Variants in EYA1 observed in about 807,000 individuals in gnomAD.
EYA1 encodes EYA transcriptional coactivator and phosphatase 1.
In EYA1, 16 loss-of-function variants were observed where a neutral mutation model predicts 82.0. The ratio of observed to expected loss-of-function variants is 0.20; its 90% CI spans 0.13 to 0.30. The LOEUF is 0.30. Among genes scored for constraint, EYA1 ranks in the 10% least tolerant of loss-of-function variants. The probability of loss-of-function intolerance (pLI) is 1.00; values close to 1 mark genes in which losing one functional copy is unlikely to be tolerated. For synonymous variants in EYA1, 261 were observed against 264.4 expected, an observed-to-expected ratio of 0.99 and a Z score of 0.12; for missense variants, 633 against 730.7, an observed-to-expected ratio of 0.87 and a Z score of 1.54.
chr8:71,376,827 G>T (rs1828400573), intron 2 of EYA1, among the ~76,000 whole-genome samples: 1 of 152,032 alleles, frequency 6.6e-6, no homozygotes, highest in Non-Finnish European at 1.5e-5. Flanking sequence ...AACATTAACT[G>T]CAAGTTAACT....
At chr8:71,433,075 A>G (rs1805742071) in intron 2 of EYA1, among the ~76,000 whole-genome samples, 1 of 152,220 alleles carries the variant, frequency 6.6e-6, no homozygotes, top group African/African-American at 2.4e-5. Flanking sequence ...TGCCTCAGCC[A>G]TGTGGTCAAA....
chr8:71,271,802 G>A lies in EYA1; in HGVS notation c.922C>T (p.Arg308Ter), dbSNP rs121909195. Residue 308 changes from arginine (R) to a stop codon, truncating the protein, a stop_gained, in exon 10 of 18, where the codon CGA becomes TGA. Transcript: ENST00000340726. LOFTEE classifies it high-confidence loss of function. ...GSDGKSRGRGRRNNNPSPPPD... is the reference protein window; with the variant it reads ...GSDGKSRGRG ...GGAGGTGAAGGATTATTGTTTCTTC[G>A]GCCCCGTCCACGTGATTTCCCATCT... 1 of 1,614,054 alleles carries A rather than the reference G, an allele frequency of 6.2e-7. No homozygotes were observed.
At chr8:71,540,903 A>G (rs1298455938) in intron 1 of EYA1, among the ~76,000 whole-genome samples, 1 of 152,218 alleles carries the variant, frequency 6.6e-6, no homozygotes, top group Non-Finnish European at 1.5e-5. Context: ...ATAAGTCCCC[A>G]GAAGACTACA....
At chr8:71,217,168 A>T in intron 12 of EYA1, 145 bp from the exon 13 acceptor site, 2 of 665,014 alleles carry the variant, frequency 3.0e-6, no homozygotes, top group Non-Finnish European at 2.7e-6. Context: ...GCAGTCTTGT[A>T]AAATTGACAT....
chr8:71,349,104 T>A (rs1269724687), intron 3 of EYA1, among the ~76,000 whole-genome samples: 1 of 152,162 alleles, frequency 6.6e-6, no homozygotes, highest in Non-Finnish European at 1.5e-5. Flanking sequence ...TATAATTAAG[T>A]CTAAGGATTT....
At chr8:71,380,505 G>A (rs1008896958) in intron 2 of EYA1, among the ~76,000 whole-genome samples, 1 of 152,084 alleles carries the variant, frequency 6.6e-6, no homozygotes. Context: ...CTGCCCCTGC[G>A]GCATGTCTAT....
intron 11 of EYA1, among the ~76,000 whole-genome samples, chr8:71,255,186 C>T (rs1445005890): frequency 6.6e-6 from 1 of 152,142 alleles, no homozygotes; most frequent in African/African-American, 2.4e-5. Context: ...AAGTGATGTA[C>T]AGATCTAATG....
chr8:71,531,622 C>T (rs550783756), intron 2 of EYA1, among the ~76,000 whole-genome samples: 3 of 152,016 alleles, frequency 2.0e-5, no homozygotes, highest in East Asian at 1.9e-4. Flanking sequence ...CTGAAAGAAG[C>T]GGTTATAACT....
At chr8:71,228,640 T>C (rs948003911) in intron 12 of EYA1, among the ~76,000 whole-genome samples, 3 of 152,218 alleles carry the variant, frequency 2.0e-5, no homozygotes, top group Non-Finnish European at 4.4e-5. Flanking sequence ...ACTGTAGCAG[T>C]GTCACTAGAA....
At chr8:71,265,157 T>C (rs1262026026) in intron 11 of EYA1, among the ~76,000 whole-genome samples, 4 of 147,742 alleles carry the variant, frequency 2.7e-5, no homozygotes, top group Admixed American at 6.6e-5. Flanking sequence ...CAAGTTTTTG[T>C]TTTTGTTTTG....
intron 12 of EYA1, 112 bp downstream of exon 12, chr8:71,244,491 C>A (rs1209819399): frequency 7.5e-6 from 5 of 666,358 alleles, no homozygotes; most frequent in East Asian, 5.9e-5. Flanking sequence ...TACCAACAAA[C>A]CTCTGTCTCA....
intron 2 of EYA1, among the ~76,000 whole-genome samples, chr8:71,531,752 C>T (rs1011970271): frequency 1.3e-5 from 2 of 151,936 alleles, no homozygotes; most frequent in Non-Finnish European, 1.5e-5. Flanking sequence ...AGATGGGAAC[C>T]CTTCAGAGGC....
At chr8:71,426,605 C>G (rs987010948) in intron 2 of EYA1, among the ~76,000 whole-genome samples, 6 of 152,236 alleles carry the variant, frequency 3.9e-5, no homozygotes, top group African/African-American at 7.2e-5. Flanking sequence ...TAGCTGATGT[C>G]TTCATGGGGT....
intron 11 of EYA1, among the ~76,000 whole-genome samples, chr8:71,260,865 A>G (rs1233296197): frequency 6.6e-6 from 1 of 152,218 alleles, no homozygotes; most frequent in African/African-American, 2.4e-5. Flanking sequence ...ATCTTTGGGC[A>G]GTATCAATCA....
intron 8 of EYA1, 102 bp downstream of exon 8, chr8:71,299,536 C>G: frequency 1.2e-6 from 1 of 808,128 alleles, no homozygotes; most frequent in East Asian, 2.4e-5. Context: ...CTACTAAAAG[C>G]CTTAGGAAAG....
intron 2 of EYA1, among the ~76,000 whole-genome samples, chr8:71,440,867 T>C (rs1276855302): frequency 6.6e-6 from 1 of 152,062 alleles, no homozygotes; most frequent in African/African-American, 2.4e-5. Context: ...TGAAAAATCT[T>C]ATGAAGGTAC....
intron 3 of EYA1, among the ~76,000 whole-genome samples, chr8:71,337,094 G>A (rs1030835068): frequency 1.8e-4 from 28 of 152,030 alleles, no homozygotes; most frequent in South Asian, 6.2e-4. Context: ...GATGTAATAC[G>A]GCATCTCTCC....
intron 2 of EYA1, among the ~76,000 whole-genome samples, chr8:71,445,372 C>T (rs894363726): frequency 2.6e-5 from 4 of 152,044 alleles, no homozygotes; most frequent in Non-Finnish European, 5.9e-5. Flanking sequence ...TAATCAAAGA[C>T]TATCTATCCA....
chr8:71,271,767 A>T lies in EYA1; in HGVS notation c.957T>A (p.Ser319=), dbSNP rs749532919. Reference sequence around the variant, plus strand: ...GTTGGCTATGACGTACCTCAAGATCAGAATCTGGGGGAGGTGAAGGATTAT... The same window carrying T: ...GTTGGCTATGACGTACCTCAAGATCTGAATCTGGGGGAGGTGAAGGATTAT... ...RNNNPSPPPD[S]DLERVFIWDL... Residue 319 remains serine, a synonymous_variant, in exon 10 of 18, where the codon TCT becomes TCA. Transcript: ENST00000340726. 22 of 1,614,130 alleles carry T rather than the reference A, an allele frequency of 1.4e-5. No homozygotes were observed. Among genetic ancestry groups the T allele is most frequent in the Non-Finnish European group, 1.6e-5 (19 of 1,180,044 alleles).
Sources: allele counts gnomAD v4.1 joint callset (sites outside exome capture counted in the v4.1 genomes callset), GRCh38; gene constraint gnomAD v4.1.1; transcripts MANE v1.5; gene names NCBI Gene and HGNC (gene_info 2026-07-23, HGNC 2026-07-21).